CDC42EP3: variants seen among roughly 807,000 people sequenced by gnomAD.
CDC42EP3 encodes CDC42 effector protein (Rho GTPase binding) 3.
In CDC42EP3, 4 loss-of-function variants were observed where a neutral mutation model predicts 15.5. The observed-to-expected ratio is 0.26, with a 90% confidence interval of 0.13 to 0.59. The LOEUF is 0.59. CDC42EP3 is among the 20% of genes least tolerant of loss of function. CDC42EP3 has a pLI of 0.89. For synonymous variants in CDC42EP3, 145 were observed against 130.3 expected, an observed-to-expected ratio of 1.11 and a Z score of -0.77; for missense variants, 309 against 311.2, an observed-to-expected ratio of 0.99 and a Z score of 0.05.
chr2:37,650,125 T>G lies in CDC42EP3; in HGVS notation c.-235-3303A>C, dbSNP rs561015310. Among the ~76,000 whole-genome samples, 3 of 152,336 alleles carry G rather than the reference T, an allele frequency of 2.0e-5. No homozygotes were observed. The South Asian group carries it at 6.2e-4, about 32-fold the overall frequency. ...ACGTTTGTGCTGCTGGGAAAGTATC[T>G]GGCAGCTCTGATCTAGTCCTTCTAT... On this transcript the variant is annotated intron_variant, in intron 1 of 1. Coordinates refer to ENST00000295324, the MANE Select transcript of CDC42EP3 (RefSeq NM_006449.5).
At position 37,652,510 on chromosome 2, in the gene CDC42EP3, T is replaced by G. The variant is rs901167671; in HGVS notation, c.-235-5688A>C. On this transcript the variant is annotated intron_variant, in intron 1 of 1. Coordinates refer to ENST00000295324, the MANE Select transcript of CDC42EP3 (RefSeq NM_006449.5). ...AACACCAGCATTAACCTGTGGGCAC[T>G]GAGCCATCTGAGGGTGCTGAGCACA... Among the ~76,000 whole-genome samples, 20 of 152,208 alleles carry G rather than the reference T, an allele frequency of 1.3e-4. 1 individual carries two copies. The highest frequency in any genetic ancestry group is 1.3e-4 in the Admixed American group (2 of 15,278).
intron 1 of CDC42EP3, among the ~76,000 whole-genome samples, chr2:37,655,538 G>A (rs1436367782): frequency 6.6e-6 from 1 of 152,148 alleles, no homozygotes; most frequent in Non-Finnish European, 1.5e-5. Context: ...GACTCAATGT[G>A]GACATAGAAC....
chr2:37,665,688 C>G (rs544788901), intron 1 of CDC42EP3, among the ~76,000 whole-genome samples: 1 of 152,212 alleles, frequency 6.6e-6, no homozygotes, highest in Non-Finnish European at 1.5e-5. Flanking sequence ...CAGAACATGA[C>G]GGATTCCCAA....
upstream of CDC42EP3, chr2:37,672,247 G>A (rs1244408934): frequency 6.6e-6 from 1 of 152,336 alleles, no homozygotes; most frequent in East Asian, 1.9e-4. Flanking sequence ...TCCCCTCAGA[G>A]CTGCAGCCAA....
In CDC42EP3 at chr2:37,646,494, T is replaced by A; in HGVS notation, c.94A>T (p.Ser32Cys). 1 of 1,612,122 alleles carries A rather than the reference T, an allele frequency of 6.2e-7. No homozygotes were observed. Among genetic ancestry groups the A allele is most frequent in the Non-Finnish European group, 8.5e-7 (1 of 1,179,448 alleles). ...LRDILSPDMI[S>C]PPLGDFRHTI... ...TGGCGAAAGTCTCCAAGCGGGGGAC[T>A]GATCATATCAGGAGACAGAATGTCC... The change falls in exon 2 of 2, where the codon AGT becomes TGT. Residue 32 changes from serine (S) to cysteine (C), a missense_variant. Transcript: ENST00000295324.
upstream of CDC42EP3, chr2:37,671,840 A>C (rs575253023): frequency 1.3e-5 from 2 of 149,312 alleles, no homozygotes; most frequent in African/African-American, 5.0e-5. Context: ...TCACCGTTGG[A>C]CCCTCGGAGG....
chr2:37,649,956 A>G (rs745933936), intron 1 of CDC42EP3, among the ~76,000 whole-genome samples: 112 of 152,230 alleles, frequency 7.4e-4, no homozygotes, highest in Non-Finnish European at 1.3e-3. Context: ...CATCATATTT[A>G]CTGCATGATG....
At chr2:37,661,870 T>A (rs927636180) in intron 1 of CDC42EP3, among the ~76,000 whole-genome samples, 2 of 152,196 alleles carry the variant, frequency 1.3e-5, no homozygotes, top group African/African-American at 4.8e-5. Flanking sequence ...TATATCAGGC[T>A]TAAGATTTTC....
At chr2:37,656,992 C>CG (rs1665877802) in intron 1 of CDC42EP3, among the ~76,000 whole-genome samples, 1 of 87,530 alleles carries the variant, frequency 1.1e-5, no homozygotes, top group African/African-American at 5.4e-5. Flanking sequence ...CCCCCCCCAC[C>CG]CCCCGCCCCC....
At chr2:37,649,981 A>G (rs1214018154) in intron 1 of CDC42EP3, among the ~76,000 whole-genome samples, 1 of 152,226 alleles carries the variant, frequency 6.6e-6, no homozygotes, top group Non-Finnish European at 1.5e-5. Context: ...ATAGGCTTCT[A>G]GGACTATAGA....
At chr2:37,665,267 C>T (rs1325935748) in intron 1 of CDC42EP3, among the ~76,000 whole-genome samples, 1 of 152,096 alleles carries the variant, frequency 6.6e-6, no homozygotes, top group African/African-American at 2.4e-5. Context: ...GGGGAACATC[C>T]ACACACTTCT....
intron 1 of CDC42EP3, among the ~76,000 whole-genome samples, chr2:37,662,772 C>G (rs560673381): frequency 2.0e-5 from 3 of 152,162 alleles, no homozygotes; most frequent in Non-Finnish European, 4.4e-5. Flanking sequence ...ATTCTGAAGC[C>G]GTCTGAGAGC....
rs1256566973 is a variant in CDC42EP3, at chr2:37,643,334, G to A, written c.*2489C>T. The A allele has an allele frequency of 6.6e-6, 1 of 152,138 alleles. No individual in the cohort carries two copies. Among genetic ancestry groups the A allele is most frequent in the Non-Finnish European group, 1.5e-5 (1 of 68,026 alleles). 9.4% of individuals were successfully genotyped at this position (152,138 alleles called of 1,614,324 possible). Reference sequence around the variant, plus strand: ...GACCAGGCATTGGAAAGGCTGCCTCGGGAGAAGTGACTCAACAAAATCATA... The same window carrying A: ...GACCAGGCATTGGAAAGGCTGCCTCAGGAGAAGTGACTCAACAAAATCATA... On this transcript the variant is annotated 3_prime_UTR_variant, in exon 2 of 2. Coordinates refer to ENST00000295324, the MANE Select transcript of CDC42EP3 (RefSeq NM_006449.5).
chr2:37,648,107 T>C (rs1665534849), intron 1 of CDC42EP3, among the ~76,000 whole-genome samples: 1 of 152,214 alleles, frequency 6.6e-6, no homozygotes, highest in African/African-American at 2.4e-5. Flanking sequence ...TTAGGAGGGA[T>C]GAGCTACAAG....
At position 37,642,721 on chromosome 2, in the gene CDC42EP3, A is replaced by C. The variant is rs1332061534; in HGVS notation, c.*3102T>G. 1 of 152,212 alleles carries C rather than the reference A, an allele frequency of 6.6e-6. No individual in the cohort carries two copies. The highest frequency in any genetic ancestry group is 1.5e-5 in the Non-Finnish European group (1 of 68,024). 9.4% of individuals were successfully genotyped at this position (152,212 alleles called of 1,614,324 possible). A position where few individuals can be genotyped will look rare whatever the true frequency, so the allele number is the denominator to read the frequency against. On this transcript the variant is annotated 3_prime_UTR_variant, in exon 2 of 2. Transcript: ENST00000295324. ...ATTTATCAAGTTAATTTATGGACTT[A>C]TGGATTTTTTCCATTCCAGGACTTC...
intron 1 of CDC42EP3, among the ~76,000 whole-genome samples, chr2:37,656,860 T>C (rs1295951028): frequency 6.6e-6 from 1 of 152,100 alleles, no homozygotes; most frequent in African/African-American, 2.4e-5. Context: ...TCCTAGACAC[T>C]GGTCCCTCCA....
intron 1 of CDC42EP3, among the ~76,000 whole-genome samples, chr2:37,652,197 A>G (rs1026230047): frequency 3.0e-4 from 45 of 150,420 alleles, no homozygotes; most frequent in African/African-American, 9.7e-4. Context: ...AAAAAAAAAA[A>G]AAAAGAAAAT....
chr2:37,643,145 CT>C lies in CDC42EP3; in HGVS notation c.*2677del, dbSNP rs1453426834. On this transcript the variant is annotated 3_prime_UTR_variant, in exon 2 of 2. Transcript: ENST00000295324. ...CTTTGAGTTTGCAAATAAAGTACAT[CT>C]TGGGTTTCCTTATCTTTAAACAAGT... The C allele has an allele frequency of 6.6e-6, 1 of 152,114 alleles. No homozygotes were observed. Among genetic ancestry groups the C allele is most frequent in the Non-Finnish European group, 1.5e-5 (1 of 68,010 alleles). The allele number at this position is 152,114 out of a possible 1,614,324, so 9.4% of individuals were successfully genotyped here.
intron 1 of CDC42EP3, among the ~76,000 whole-genome samples, chr2:37,662,427 G>A (rs1330889055): frequency 6.6e-6 from 1 of 152,160 alleles, no homozygotes; most frequent in Non-Finnish European, 1.5e-5. Flanking sequence ...CTCATGGTGG[G>A]GATTCCTTTT....
Sources: allele counts gnomAD v4.1 joint callset (sites outside exome capture counted in the v4.1 genomes callset), GRCh38; gene constraint gnomAD v4.1.1; transcripts MANE v1.5; gene names NCBI Gene and HGNC (gene_info 2026-07-23, HGNC 2026-07-21).